Variants in PTPRN2 observed in about 807,000 individuals in gnomAD.
PTPRN2 encodes the protein receptor-type tyrosine-protein phosphatase N2.
In PTPRN2, 74 loss-of-function variants were observed where a neutral mutation model predicts 118.8. The observed-to-expected ratio is 0.62, with a 90% CI of 0.52 to 0.76. PTPRN2 has a LOEUF of 0.76. PTPRN2 is among the 30% of genes least tolerant of loss of function. The probability of loss-of-function intolerance (pLI) is 0.00; values close to 1 mark genes in which losing one functional copy is unlikely to be tolerated. For synonymous variants in PTPRN2, 641 were observed against 608.0 expected (o/e 1.05, Z -0.80); for missense variants, 1,481 against 1,394.4 (o/e 1.06, Z -0.99).
intron 11 of PTPRN2, among the ~76,000 whole-genome samples, chr7:158,002,267 G>T (rs140975119): frequency 6.6e-6 from 1 of 152,200 alleles, no homozygotes; most frequent in African/African-American, 2.4e-5. Context: ...TGCTCTGGAT[G>T]GTCACTCACT....
chr7:158,109,839 G>A (rs982129790), intron 10 of PTPRN2, among the ~76,000 whole-genome samples: 1 of 151,704 alleles, frequency 6.6e-6, no homozygotes, highest in Admixed American at 6.6e-5. Flanking sequence ...CGTGTAAAGA[G>A]TCAGTGAGTG....
At chr7:158,320,891 G>A (rs1024043378) in intron 2 of PTPRN2, among the ~76,000 whole-genome samples, 7 of 152,084 alleles carry the variant, frequency 4.6e-5, no homozygotes, top group South Asian at 2.1e-4. Flanking sequence ...ATATGGATAC[G>A]TGCCTAGCAG....
Position 158,485,613 on chromosome 7 carries a change from GCCTGCTCGGCCACCCCTCTCTGCACCCCT to G in PTPRN2, c.163+4093_163+4121del, listed in dbSNP as rs1820957617. ...GCTCGGCCACCCCTCTCTGCGCCCC[GCCTGCTCGGCCACCCCTCTCTGCACCCCT>G]CCTGCACAGGCCTCTCCTCCTTTCT... On this transcript the variant is annotated intron_variant, in intron 2 of 22. Coordinates refer to ENST00000389418, the MANE Select transcript of PTPRN2 (RefSeq NM_002847.5). 5.4e-5 allele frequency among the ~76,000 whole-genome samples: 2 copies of G among 36,762 alleles called. 1 individual carries two copies. The highest frequency in any genetic ancestry group is 1.8e-4 in the African/African-American group (2 of 11,330). The allele number at this position is 36,762 out of a possible 152,430, so 24.1% of individuals were successfully genotyped here.
intron 22 of PTPRN2, among the ~76,000 whole-genome samples, chr7:157,541,907 T>C (rs1207031675): frequency 2.0e-5 from 3 of 152,368 alleles, no homozygotes; most frequent in African/African-American, 7.2e-5. Context: ...GCCCTGATGC[T>C]GACGGAATGG....
intron 9 of PTPRN2, among the ~76,000 whole-genome samples, chr7:158,121,226 C>G (rs1190694528): frequency 6.6e-6 from 1 of 152,130 alleles, no homozygotes; most frequent in African/African-American, 2.4e-5. Flanking sequence ...ATCCTTGGAG[C>G]CATTAGGAAG....
At chr7:157,642,838 A>AAAAAAAAAAAAAC in intron 14 of PTPRN2, among the ~76,000 whole-genome samples, 1 of 147,736 alleles carries the variant, frequency 6.8e-6, no homozygotes, top group Non-Finnish European at 1.5e-5. Flanking sequence ...AAAAAAAAAA[A>AAAAAAAAAAAAAC]AAAAAAGCAG....
intron 5 of PTPRN2, 136 bp from the exon 6 acceptor site, chr7:158,167,427 T>C: frequency 1.7e-6 from 2 of 1,197,142 alleles, no homozygotes; most frequent in East Asian, 2.5e-5. Flanking sequence ...GGTCTCAGGT[T>C]CAAGGTCCTA....
chr7:157,568,334 C>G (rs903353906), intron 21 of PTPRN2, among the ~76,000 whole-genome samples: 2 of 152,310 alleles, frequency 1.3e-5, no homozygotes, highest in East Asian at 3.9e-4. Context: ...CTGAGAGGAA[C>G]GCCTCCCACA....
intron 2 of PTPRN2, among the ~76,000 whole-genome samples, chr7:158,473,276 CAG>C (rs537099465): frequency 2.0e-5 from 3 of 152,204 alleles, no homozygotes; most frequent in Non-Finnish European, 4.4e-5. Flanking sequence ...TGCAGCCACT[CAG>C]AGTCCTGCTA....
At chr7:158,441,517 G>A (rs1324019063) in intron 2 of PTPRN2, among the ~76,000 whole-genome samples, 7 of 142,142 alleles carry the variant, frequency 4.9e-5, no homozygotes, top group Admixed American at 2.0e-4. Flanking sequence ...GGCAGTGGTG[G>A]CAGTGGTGGT....
At chr7:157,649,357 C>T (rs1333416219) in intron 14 of PTPRN2, among the ~76,000 whole-genome samples, 1 of 99,498 alleles carries the variant, frequency 1.0e-5, no homozygotes, top group Non-Finnish European at 2.3e-5. Context: ...CAGACCCATC[C>T]AGCGTGCACT....
intron 11 of PTPRN2, among the ~76,000 whole-genome samples, chr7:157,932,020 C>A (rs916162534): frequency 6.6e-6 from 1 of 152,148 alleles, no homozygotes; most frequent in African/African-American, 2.4e-5. Flanking sequence ...ACTCGTCACC[C>A]GATTCTCCAA....
intron 7 of PTPRN2, 61 bp from the exon 8 acceptor site, chr7:158,136,756 G>C (rs1160452429): frequency 6.5e-7 from 1 of 1,545,214 alleles, no homozygotes; most frequent in South Asian, 1.1e-5. Context: ...GGGTGCCACA[G>C]ACATAAAAAG....
At chr7:157,565,615 G>A (rs1799448279) in intron 21 of PTPRN2, among the ~76,000 whole-genome samples, 1 of 152,206 alleles carries the variant, frequency 6.6e-6, no homozygotes, top group South Asian at 2.1e-4. Flanking sequence ...CACCCAGCAT[G>A]GCTCAGCCCA....
chr7:158,441,061 G>GGTGCT (rs1554503215), intron 2 of PTPRN2, among the ~76,000 whole-genome samples: 23 of 52,026 alleles, frequency 4.4e-4, no homozygotes, highest in Admixed American at 1.4e-3. Context: ...GTAGTGATGG[G>GGTGCT]GGTGGTAGTG....
chr7:157,748,046 G>A (rs1326041406), intron 12 of PTPRN2, among the ~76,000 whole-genome samples: 1 of 137,798 alleles, frequency 7.3e-6, no homozygotes, highest in Admixed American at 7.7e-5. Flanking sequence ...GCTCTGGGCT[G>A]TCCGGGTGAT....
chr7:158,341,859 GT>G (rs1438981335), intron 2 of PTPRN2, among the ~76,000 whole-genome samples: 2 of 84,398 alleles, frequency 2.4e-5, no homozygotes, highest in Admixed American at 1.2e-4. Flanking sequence ...CACCATAAGA[GT>G]GTGCCCCGCA....
At chr7:157,579,570 C>T (rs1000989465) in intron 17 of PTPRN2, among the ~76,000 whole-genome samples, 4 of 152,218 alleles carry the variant, frequency 2.6e-5, no homozygotes, top group South Asian at 4.1e-4. Flanking sequence ...ATCCGGCACT[C>T]GGCTCCGTGC....
At chr7:158,311,866 T>C (rs1801776336) in intron 3 of PTPRN2, among the ~76,000 whole-genome samples, 1 of 144,964 alleles carries the variant, frequency 6.9e-6, no homozygotes, top group African/African-American at 2.7e-5. Context: ...CATGCTCATG[T>C]GTAGACACCC....
Sources: gnomAD v4.1 joint callset for allele counts (sites outside exome capture counted in the v4.1 genomes callset) on GRCh38, gnomAD v4.1.1 for gene constraint, MANE v1.5 for transcripts, NCBI Gene and HGNC (gene_info 2026-07-23, HGNC 2026-07-21) for gene names.